The following USP38 variants were observed in gnomAD, a reference collection of about 807,000 sequenced individuals.
USP38 encodes the protein ubiquitin carboxyl-terminal hydrolase 38.
In USP38, 49 loss-of-function variants were observed where a neutral mutation model predicts 94.3. The ratio of observed to expected loss-of-function variants is 0.52; its 90% CI spans 0.41 to 0.66. The LOEUF is 0.66. Ranked by LOEUF, USP38 falls within the 30% of genes least tolerant of loss-of-function variation. The pLI is 0.00. For missense variants in USP38, 1,128 were observed against 1,229.4 expected (o/e 0.92, Z 1.23); for synonymous variants, 468 against 463.6 (o/e 1.01, Z -0.12).
intron 2 of USP38, among the ~76,000 whole-genome samples, chr4:143,194,993 T>G (rs763919556): frequency 4.6e-5 from 7 of 152,060 alleles, no homozygotes; most frequent in African/African-American, 7.2e-5. Flanking sequence ...ATTTACAGAC[T>G]TAGTGCTTTT....
chr4:143,212,631 G>GT (rs1201040288), intron 8 of USP38, among the ~76,000 whole-genome samples: 1 of 151,772 alleles, frequency 6.6e-6, no homozygotes, highest in African/African-American at 2.4e-5. Flanking sequence ...TGTTCTCAAA[G>GT]TGTGAAACAA....
chr4:143,197,312 A>AT lies in USP38; in HGVS notation c.949-504dup, dbSNP rs1345120361. 1.4e-4 allele frequency among the ~76,000 whole-genome samples: 21 copies of AT among 152,266 alleles called. No individual in the cohort carries two copies. In the South Asian group the frequency reaches 4.1e-3, roughly 30 times the overall value. Reference sequence around the variant, plus strand: ...TATTGAACGCTATATAAAACAGCAGATTTTTTTGCTACACAGCATTCCCTA... The same window carrying AT: ...TATTGAACGCTATATAAAACAGCAGATTTTTTTTGCTACACAGCATTCCCTA... On this transcript the variant is annotated intron_variant, in intron 3 of 9. Transcript: ENST00000307017.
At chr4:143,212,862 T>C (rs759076941) in intron 8 of USP38, among the ~76,000 whole-genome samples, 6 of 152,208 alleles carry the variant, frequency 3.9e-5, no homozygotes, top group Non-Finnish European at 7.3e-5. Context: ...TTTTTTTGGT[T>C]TTAGAAAATA....
At position 143,214,806 on chromosome 4, in the gene USP38, C is replaced by T. The variant is rs1156818297; in HGVS notation, c.2830C>T (p.Leu944Phe). ...SRFPKDTAYV[L>F]LYKKQHSTNG... ...GTTTCCAAAGGACACAGCTTATGTGCTTTTGTATAAAAAACAGCATAGTAC... is the reference window on the plus strand; with the variant it reads ...GTTTCCAAAGGACACAGCTTATGTGTTTTTGTATAAAAAACAGCATAGTAC... Residue 944 changes from leucine (L) to phenylalanine (F), a missense_variant, in exon 9 of 10, where the codon CTT (leucine) becomes TTT (phenylalanine). Leu to Phe is a conservative substitution (Grantham distance 22, BLOSUM62 0). Coordinates refer to ENST00000307017, the MANE Select transcript of USP38 (RefSeq NM_032557.6). The T allele has an allele frequency of 6.2e-7, 1 of 1,613,708 alleles. No homozygotes were observed. The highest frequency in any genetic ancestry group is 8.5e-7 in the Non-Finnish European group (1 of 1,179,762).
At chr4:143,205,960 GT>G in intron 5 of USP38, 72 bp from the exon 6 acceptor site, 1 of 1,134,288 alleles carries the variant, frequency 8.8e-7, no homozygotes, top group South Asian at 2.1e-5. Flanking sequence ...CTTCTTAATG[GT>G]GTTAATTAAT....
chr4:143,217,214 A>G (rs1418848672), intron 9 of USP38, among the ~76,000 whole-genome samples: 3 of 152,204 alleles, frequency 2.0e-5, no homozygotes, highest in Non-Finnish European at 4.4e-5. Flanking sequence ...TTAAAAGACT[A>G]CGTTCTTTAT....
chr4:143,192,222 G>C (rs1373666369), intron 2 of USP38, among the ~76,000 whole-genome samples: 1 of 152,036 alleles, frequency 6.6e-6, no homozygotes, highest in Non-Finnish European at 1.5e-5. Context: ...AGTCTGTTTG[G>C]GCTACTGTAA....
chr4:143,200,572 A>G (rs1418169680), intron 4 of USP38, among the ~76,000 whole-genome samples: 1 of 152,198 alleles, frequency 6.6e-6, no homozygotes, highest in Non-Finnish European at 1.5e-5. Flanking sequence ...ACATCCATAT[A>G]GGAAGAGAAG....
intron 9 of USP38, among the ~76,000 whole-genome samples, chr4:143,217,747 G>A (rs1394367182): frequency 6.6e-6 from 1 of 152,112 alleles, no homozygotes; most frequent in Non-Finnish European, 1.5e-5. Context: ...TTGCTCTTTT[G>A]AGTATTGGCA....
At chr4:143,202,778 A>C (rs1157350493) in intron 4 of USP38, among the ~76,000 whole-genome samples, 1 of 152,082 alleles carries the variant, frequency 6.6e-6, no homozygotes. Context: ...TTTAAAACTA[A>C]CAGAAGTTTC....
Position 143,185,542 on chromosome 4 carries a change from A to C in USP38, c.92A>C (p.His31Pro), listed in dbSNP as rs764342270. 1 of 1,613,958 alleles carries C rather than the reference A, an allele frequency of 6.2e-7. No homozygotes were observed. Among genetic ancestry groups the C allele is most frequent in the Admixed American group, 1.7e-5 (1 of 60,006 alleles). The change falls in exon 1 of 10, where the codon CAC becomes CCC. Residue 31 changes from histidine to proline, a missense_variant. Transcript: ENST00000307017. ...CGGAAGGTGGTGGAATCGGCGGAGC[A>C]CTGGCTAGACGAGGCGCAGTGCGAG... is the stretch of plus-strand genomic sequence containing the variant. ...IVRKVVESAE[H>P]WLDEAQCEAM...
At chr4:143,204,457 A>C (rs752048046) in intron 5 of USP38, 5 of 446,866 alleles carry the variant, frequency 1.1e-5, no homozygotes, top group South Asian at 7.9e-5. Context: ...TGGCATGATC[A>C]CGGCTCACTG....
chr4:143,195,365 A>C (rs1162066446), intron 2 of USP38, among the ~76,000 whole-genome samples: 1 of 152,250 alleles, frequency 6.6e-6, no homozygotes, highest in African/African-American at 2.4e-5. Context: ...TGTAATGCAA[A>C]TAATTGAAAA....
At chr4:143,198,311 T>C (rs1731612202) in intron 4 of USP38, among the ~76,000 whole-genome samples, 1 of 152,240 alleles carries the variant, frequency 6.6e-6, no homozygotes, top group Admixed American at 6.5e-5. Flanking sequence ...GCCTACATCC[T>C]ACAAATCCTG....
intron 4 of USP38, among the ~76,000 whole-genome samples, chr4:143,200,982 A>C (rs888940851): frequency 2.6e-5 from 4 of 152,136 alleles, no homozygotes; most frequent in Admixed American, 6.6e-5. Context: ...GTGCTACTTC[A>C]ATCAAACTAC....
At chr4:143,205,617 T>C (rs1005290545) in intron 5 of USP38, among the ~76,000 whole-genome samples, 2 of 152,214 alleles carry the variant, frequency 1.3e-5, no homozygotes, top group Non-Finnish European at 2.9e-5. Context: ...GACATTTTTA[T>C]TACAAAATTT....
At chr4:143,203,625 T>G in intron 5 of USP38, 59 bp downstream of exon 5, 1 of 1,512,160 alleles carries the variant, frequency 6.6e-7, no homozygotes, top group South Asian at 1.3e-5. Flanking sequence ...AGGTGAAACA[T>G]TCTTATAACC....
rs577057949 is a variant in USP38 at position 143,223,343 on chromosome 4, A to G, written c.*2887A>G. On this transcript the variant is annotated 3_prime_UTR_variant, in exon 10 of 10. Coordinates refer to ENST00000307017, the MANE Select transcript of USP38 (RefSeq NM_032557.6). ...CTTAAATTGTTGGTAGATCCTTTGG[A>G]TGTAGAGATAAAAATTCATTATGAT... 5 of 152,204 alleles carry G rather than the reference A, an allele frequency of 3.3e-5. No homozygotes were observed. The South Asian group carries it at 8.3e-4, about 25-fold the overall frequency. The allele number at this position is 152,204 out of a possible 1,614,324, so 9.4% of individuals were successfully genotyped here. A position where few individuals can be genotyped will look rare whatever the true frequency, so the allele number is the denominator to read the frequency against.
chr4:143,217,452 G>A (rs1732214626), intron 9 of USP38, among the ~76,000 whole-genome samples: 1 of 152,056 alleles, frequency 6.6e-6, no homozygotes, highest in East Asian at 1.9e-4. Context: ...ATAAGAAATA[G>A]CATAATACCT....
Sources: allele counts gnomAD v4.1 joint callset (sites outside exome capture counted in the v4.1 genomes callset), GRCh38; gene constraint gnomAD v4.1.1; transcripts MANE v1.5; gene names NCBI Gene and HGNC (gene_info 2026-07-23, HGNC 2026-07-21).